Variants in ACOT7 observed in about 807,000 individuals in gnomAD.
The protein encoded by ACOT7 is acyl-CoA thioesterase 7.
A neutral mutation model predicts 40.2 loss-of-function variants in ACOT7; 12 were observed. That is an observed-to-expected ratio of 0.30 (90% CI 0.19 to 0.48). The LOEUF is 0.48. Ranked by LOEUF, ACOT7 falls within the 20% of genes least tolerant of loss-of-function variation. The probability of loss-of-function intolerance (pLI) is 0.99; values close to 1 mark genes in which losing one functional copy is unlikely to be tolerated. For missense variants in ACOT7, 395 were observed against 530.8 expected (o/e 0.74, Z 2.51); for synonymous variants, 228 against 219.5 (o/e 1.04, Z -0.34).
intron 7 of ACOT7, among the ~76,000 whole-genome samples, chr1:6,290,446 A>G (rs1639632043): frequency 6.6e-6 from 1 of 152,148 alleles, no homozygotes; most frequent in Non-Finnish European, 1.5e-5. Flanking sequence ...GGCTGCTCAC[A>G]TGAGGGGCAC....
chr1:6,273,428 A>C (rs1639092756), intron 8 of ACOT7, among the ~76,000 whole-genome samples: 1 of 152,216 alleles, frequency 6.6e-6, no homozygotes. Context: ...TTTTCCCATC[A>C]CAAGACTGAC....
At position 6,382,909 on chromosome 1, in the gene ACOT7, G is replaced by A. The variant is rs1284516374; in HGVS notation, c.143+10348C>T. Among the ~76,000 whole-genome samples, 6 of 150,428 alleles carry A rather than the reference G, an allele frequency of 4.0e-5. 1 individual carries two copies. The South Asian group carries it at 6.3e-4, about 16-fold the overall frequency. On this transcript the variant is annotated intron_variant, in intron 1 of 8. Coordinates refer to ENST00000361521, the MANE Select transcript of ACOT7 (RefSeq NM_007274.4). ...TTTTTTTGTTTTTGGACAGAGTTTC[G>A]CTCTTGTCACCCAGGTTGGAGTGCA...
intron 3 of ACOT7, among the ~76,000 whole-genome samples, chr1:6,336,358 A>AAAAAAAAAAAAC (rs1641102801): frequency 6.7e-6 from 1 of 150,310 alleles, no homozygotes; most frequent in African/African-American, 2.4e-5. Context: ...AAAAAAAAAA[A>AAAAAAAAAAAAC]TCTCTTAAAA....
chr1:6,293,063 G>A (rs1639718566), intron 7 of ACOT7, among the ~76,000 whole-genome samples: 1 of 151,842 alleles, frequency 6.6e-6, no homozygotes. Context: ...CTAATTTTTT[G>A]TATTTTTAGT....
rs537899580 is a variant in ACOT7 at position 6,338,268 on chromosome 1, G to A, written c.418+1165C>T. Among the ~76,000 whole-genome samples, 14 of 152,316 alleles carry A rather than the reference G, an allele frequency of 9.2e-5. No homozygotes were observed. In the East Asian group the frequency reaches 1.9e-3, roughly 21 times the overall value. Reference sequence around the variant, plus strand: ...CCAAGGCTCCACCCCCAGCACAGTCGGAGAAGAGCTGCGATCTCACAGGAG... The same window carrying A: ...CCAAGGCTCCACCCCCAGCACAGTCAGAGAAGAGCTGCGATCTCACAGGAG... On this transcript the variant is annotated intron_variant, in intron 3 of 8. Coordinates refer to ENST00000361521, the MANE Select transcript of ACOT7 (RefSeq NM_007274.4). This position sits in a 1 kb window ranked among gnomAD's most constrained non-coding sequence, Gnocchi z 4.4.
chr1:6,296,427 A>ATTT lies in ACOT7; in HGVS notation c.713-1450_713-1448dup, dbSNP rs5772228. Reference sequence around the variant, plus strand: ...TATATTACAATTATTTCAATTTTTAATTTTTTTTTTTTTTGAGACGGAGTC... The same window carrying ATTT: ...TATATTACAATTATTTCAATTTTTAATTTTTTTTTTTTTTTTTGAGACGGAGTC... On this transcript the variant is annotated intron_variant, in intron 6 of 8. Transcript: ENST00000361521. Among the ~76,000 whole-genome samples, 882 of 144,858 alleles carry ATTT rather than the reference A, an allele frequency of 6.1e-3. 13 individuals are homozygous for ATTT. The highest frequency in any genetic ancestry group is 0.02 in the African/African-American group (787 of 39,590).
At chr1:6,265,405 G>C (rs915820705) in intron 8 of ACOT7, among the ~76,000 whole-genome samples, 1 of 152,200 alleles carries the variant, frequency 6.6e-6, no homozygotes, top group Non-Finnish European at 1.5e-5. Context: ...GGGAGCAATA[G>C]GCCTGCTTTG....
In ACOT7 at chr1:6,311,504, G is replaced by A. The variant is rs959712021; in HGVS notation, c.712+6988C>T. Among the ~76,000 whole-genome samples, 1 of 152,184 alleles carries A rather than the reference G, an allele frequency of 6.6e-6. No individual in the cohort carries two copies. The highest frequency in any genetic ancestry group is 2.4e-5 in the African/African-American group (1 of 41,454). On this transcript the variant is annotated intron_variant, in intron 6 of 8. Transcript: ENST00000361521. The surrounding 1 kb of genome is among the most constrained non-coding windows in gnomAD (Gnocchi z 5.2). Reference sequence around the variant, plus strand: ...GGTCCAGGGCAGGGCTGGAGCTGCCGCTGTCCGCAAGGTTCAATCTGCCCC... The same window carrying A: ...GGTCCAGGGCAGGGCTGGAGCTGCCACTGTCCGCAAGGTTCAATCTGCCCC...
chr1:6,393,315 C>A lies in ACOT7; in HGVS notation c.85G>T (p.Ala29Ser), dbSNP rs1163685459. The change falls in exon 1 of 9, where the codon GCA becomes TCA. Residue 29 changes from alanine (A) to serine (S), a missense_variant. Around this residue, in one of 2 missense-constraint regions of ACOT7, gnomAD observed 86 missense variants for 60.5 expected, o/e 1.42. Coordinates refer to ENST00000361521, the MANE Select transcript of ACOT7 (RefSeq NM_007274.4). ...TCTGGGCCCGACATGCTGGGGGCTG[C>A]GGCGGCGGATGCGGCGGGCGGCTGC... Reference protein sequence around the residue: ...LLQPPAASAAAAPSMSGPDVE... With the variant: ...LLQPPAASAASAPSMSGPDVE... The A allele has an allele frequency of 2.3e-6, 3 of 1,279,296 alleles. No individual in the cohort carries two copies. The African/African-American group carries it at 4.6e-5, about 19-fold the overall frequency. The allele number at this position is 1,279,296 out of a possible 1,614,324, so 79.2% of individuals were successfully genotyped here. A position where few individuals can be genotyped will look rare whatever the true frequency, so the allele number is the denominator to read the frequency against.
chr1:6,341,121 T>C (rs1641265712), intron 2 of ACOT7, among the ~76,000 whole-genome samples: 1 of 152,052 alleles, frequency 6.6e-6, no homozygotes. Context: ...CTGCCCGTGT[T>C]GTGACATGGC....
chr1:6,356,125 A>G (rs1318572243), intron 1 of ACOT7, among the ~76,000 whole-genome samples: 2 of 152,166 alleles, frequency 1.3e-5, no homozygotes, highest in Non-Finnish European at 2.9e-5. Flanking sequence ...AAGGGCCCTA[A>G]CCCAATGACT....
chr1:6,319,033 C>T (rs946288466), intron 5 of ACOT7, among the ~76,000 whole-genome samples: 1 of 152,204 alleles, frequency 6.6e-6, no homozygotes. Flanking sequence ...TGGCCAGCCC[C>T]CAACCCCATT....
At chr1:6,287,192 A>G (rs1246624270) in intron 7 of ACOT7, among the ~76,000 whole-genome samples, 4 of 152,254 alleles carry the variant, frequency 2.6e-5, no homozygotes, top group Non-Finnish European at 4.4e-5. Context: ...AGGTGGCTGT[A>G]GCCGCATGTA....
chr1:6,368,544 C>T (rs753291461), intron 1 of ACOT7, among the ~76,000 whole-genome samples: 15 of 152,194 alleles, frequency 9.9e-5, no homozygotes, highest in Non-Finnish European at 1.9e-4. Context: ...ATGCTGCTTC[C>T]CCACCAGCAG....
intron 6 of ACOT7, among the ~76,000 whole-genome samples, chr1:6,314,803 C>T (rs1474185996): frequency 6.6e-6 from 1 of 152,066 alleles, no homozygotes; most frequent in Non-Finnish European, 1.5e-5. Context: ...GATGACGGTC[C>T]TCCACACCCT....
At chr1:6,323,729 AAAAAAAAAATATATATATATATAT>A (rs1292373537) in intron 5 of ACOT7, among the ~76,000 whole-genome samples, 4 of 94,624 alleles carry the variant, frequency 4.2e-5, no homozygotes, top group African/African-American at 1.1e-4. Flanking sequence ...AAAAAAAAAA[AAAAAAAAAATATATATATATATAT>A]ATATATATAT....
intron 3 of ACOT7, among the ~76,000 whole-genome samples, chr1:6,336,731 C>G (rs1288281976): frequency 6.6e-6 from 1 of 150,746 alleles, no homozygotes; most frequent in Non-Finnish European, 1.5e-5. Context: ...CGTGTGCCCA[C>G]AGTGTGCCAG....
At position 6,338,966 on chromosome 1, in the gene ACOT7, C is replaced by G. The variant is rs1641185539; in HGVS notation, c.418+467G>C. Among the ~76,000 whole-genome samples the G allele has an allele frequency of 6.6e-6, 1 of 152,182 alleles. No homozygotes were observed. The highest frequency in any genetic ancestry group is 1.5e-5 in the Non-Finnish European group (1 of 68,026). Reference sequence around the variant, plus strand: ...GATGAAAGCAGAGGCAAAGGTTCACCCAGTGAGCTTCCATCTGAGCCTGGT... The same window carrying G: ...GATGAAAGCAGAGGCAAAGGTTCACGCAGTGAGCTTCCATCTGAGCCTGGT... On this transcript the variant is annotated intron_variant, in intron 3 of 8. Coordinates refer to ENST00000361521, the MANE Select transcript of ACOT7 (RefSeq NM_007274.4). The surrounding 1 kb of genome is among the most constrained non-coding windows in gnomAD (Gnocchi z 4.4).
Position 6,289,723 on chromosome 1 carries a change from G to T in ACOT7, c.829+5141C>A, listed in dbSNP as rs187044080. On this transcript the variant is annotated intron_variant, in intron 7 of 8. Transcript: ENST00000361521. The surrounding 1 kb of genome is among the most constrained non-coding windows in gnomAD (Gnocchi z 4.6). Reference sequence around the variant, plus strand: ...TTGTTTTGTTTTTAAAGAAACAGGGGTCTCACTGTGTTGCCCAGGCTGGTC... The same window carrying T: ...TTGTTTTGTTTTTAAAGAAACAGGGTTCTCACTGTGTTGCCCAGGCTGGTC... 1.6e-3 allele frequency among the ~76,000 whole-genome samples: 249 copies of T among 152,214 alleles called. No homozygotes were observed. The highest frequency in any genetic ancestry group is 2.7e-3 in the Non-Finnish European group (185 of 68,022).
Sources: gnomAD v4.1 joint callset for allele counts (sites outside exome capture counted in the v4.1 genomes callset) on GRCh38, gnomAD v4.1.1 for gene constraint, gnomAD v4.1.1 regional missense constraint, Gnocchi (gnomAD v3.1) non-coding constraint, MANE v1.5 for transcripts, NCBI Gene and HGNC (gene_info 2026-07-23, HGNC 2026-07-21) for gene names.